Variants in MACROD2 observed in about 807,000 individuals in gnomAD.
MACROD2 encodes ADP-ribose glycohydrolase MACROD2.
A neutral mutation model predicts 70.4 loss-of-function variants in MACROD2; 36 were observed. The observed-to-expected ratio is 0.51, with a 90% CI of 0.39 to 0.68. MACROD2 has a LOEUF of 0.68. MACROD2 is among the 30% of genes least tolerant of loss of function. The pLI is 0.00. For missense variants in MACROD2, 496 were observed against 538.4 expected, an observed-to-expected ratio of 0.92 and a Z score of 0.78; for synonymous variants, 172 against 178.8, an observed-to-expected ratio of 0.96 and a Z score of 0.30.
chr20:15,179,696 CT>C (rs2076486985), intron 5 of MACROD2, among the ~76,000 whole-genome samples: 1 of 152,202 alleles, frequency 6.6e-6, no homozygotes, highest in Non-Finnish European at 1.5e-5. Flanking sequence ...TCTGGGTACT[CT>C]TTTTCCCTCC....
intron 5 of MACROD2, among the ~76,000 whole-genome samples, chr20:15,039,677 A>T (rs1341840726): frequency 6.6e-6 from 1 of 152,188 alleles, no homozygotes; most frequent in African/African-American, 2.4e-5. Flanking sequence ...GCGACTCTAC[A>T]GCTTGCTAAG....
intron 6 of MACROD2, among the ~76,000 whole-genome samples, chr20:15,245,052 T>C (rs923791855): frequency 1.5e-4 from 23 of 152,198 alleles, no homozygotes; most frequent in African/African-American, 5.5e-4. Flanking sequence ...AATTCAGAGA[T>C]TTGTTGTAAC....
intron 5 of MACROD2, among the ~76,000 whole-genome samples, chr20:15,031,873 G>A (rs35278386): frequency 0.047 from 7,102 of 152,152 alleles, 202 homozygotes; most frequent in Non-Finnish European, 0.061. Context: ...CCAGGGACTC[G>A]CGCCTTTCTC....
chr20:14,073,598 C>T (rs947693141), intron 2 of MACROD2, among the ~76,000 whole-genome samples: 2 of 152,124 alleles, frequency 1.3e-5, no homozygotes, highest in Non-Finnish European at 2.9e-5. Flanking sequence ...CTGCAGCTTA[C>T]AGAGTTTTAA....
intron 8 of MACROD2, among the ~76,000 whole-genome samples, chr20:15,607,351 AG>A (rs1429244380): frequency 7.9e-5 from 12 of 152,316 alleles, no homozygotes; most frequent in Admixed American, 7.8e-4. Context: ...TCCCCTAATT[AG>A]GTTTGCTTGG....
intron 3 of MACROD2, among the ~76,000 whole-genome samples, chr20:14,444,804 A>G (rs999927472): frequency 1.3e-5 from 2 of 151,556 alleles, no homozygotes; most frequent in Non-Finnish European, 2.9e-5. Context: ...TCAGCAGAAA[A>G]CCTTGTCAGT....
At chr20:15,862,036 A>AT (rs1158617616) in intron 8 of MACROD2, among the ~76,000 whole-genome samples, 3 of 152,178 alleles carry the variant, frequency 2.0e-5, no homozygotes, top group Admixed American at 6.5e-5. Flanking sequence ...CATTTACTAT[A>AT]TTACTCTCTG....
chr20:15,604,720 G>C (rs1018376806), intron 8 of MACROD2, among the ~76,000 whole-genome samples: 3 of 152,178 alleles, frequency 2.0e-5, no homozygotes, highest in Non-Finnish European at 4.4e-5. Context: ...ACGATTTGGG[G>C]TTCTTGGTTC....
chr20:14,924,793 A>G (rs2074208744), intron 5 of MACROD2, among the ~76,000 whole-genome samples: 1 of 152,128 alleles, frequency 6.6e-6, no homozygotes, highest in Non-Finnish European at 1.5e-5. Context: ...TGAAAGTGAA[A>G]ATGCTGCTCT....
chr20:14,330,585 T>A (rs1486263594), intron 3 of MACROD2, among the ~76,000 whole-genome samples: 2 of 152,106 alleles, frequency 1.3e-5, no homozygotes, highest in Non-Finnish European at 2.9e-5. Context: ...AACATGGTCA[T>A]AGGCTATATT....
chr20:15,515,460 T>G (rs2047554867), intron 8 of MACROD2, among the ~76,000 whole-genome samples: 2 of 152,346 alleles, frequency 1.3e-5, no homozygotes, highest in South Asian at 4.1e-4. Context: ...ACTGCATCTT[T>G]GGTGAATTTT....
chr20:15,050,332 A>C (rs2075429125), intron 5 of MACROD2, among the ~76,000 whole-genome samples: 2 of 152,194 alleles, frequency 1.3e-5, no homozygotes, highest in Admixed American at 6.5e-5. Context: ...CAAATATTTT[A>C]TTAAAGAATT....
intron 4 of MACROD2, among the ~76,000 whole-genome samples, chr20:14,535,505 C>CAAAAA (rs11357982): frequency 4.8e-5 from 3 of 62,996 alleles, no homozygotes; most frequent in Non-Finnish European, 8.9e-5. Flanking sequence ...AACTCCGTCT[C>CAAAAA]AAAAAAAAAA....
intron 15 of MACROD2, among the ~76,000 whole-genome samples, chr20:16,038,169 CTT>C (rs11475820): frequency 3.3e-5 from 5 of 151,040 alleles, no homozygotes; most frequent in Admixed American, 6.6e-5. Context: ...CACTAGATAA[CTT>C]TTTTTTTCTT....
intron 2 of MACROD2, among the ~76,000 whole-genome samples, chr20:14,058,231 C>T (rs1041384576): frequency 6.6e-6 from 1 of 151,836 alleles, no homozygotes; most frequent in African/African-American, 2.4e-5. Flanking sequence ...ACTCAAATTA[C>T]GGTAAGCAAA....
intron 3 of MACROD2, among the ~76,000 whole-genome samples, chr20:14,460,473 G>C (rs538726380): frequency 1.4e-4 from 22 of 152,194 alleles, no homozygotes; most frequent in Admixed American, 5.2e-4. Context: ...TCTCTAATGA[G>C]CAGTGATGAT....
chr20:15,058,989 G>A (rs1052928604), intron 5 of MACROD2, among the ~76,000 whole-genome samples: 40 of 152,274 alleles, frequency 2.6e-4, no homozygotes, highest in African/African-American at 8.7e-4. Context: ...GACTCATAGT[G>A]TTATCTATGG....
chr20:15,750,451 A>G (rs971694358), intron 8 of MACROD2, among the ~76,000 whole-genome samples: 1 of 152,048 alleles, frequency 6.6e-6, no homozygotes, highest in African/African-American at 2.4e-5. Context: ...ATTTGACAAA[A>G]TTTTTAAAAT....
chr20:14,591,348 C>G (rs571362506), intron 4 of MACROD2, among the ~76,000 whole-genome samples: 4 of 152,278 alleles, frequency 2.6e-5, no homozygotes, highest in African/African-American at 9.6e-5. Context: ...AGGCTTCGCT[C>G]AAATTATTAT....
Sources: gnomAD v4.1 joint callset for allele counts (sites outside exome capture counted in the v4.1 genomes callset) on GRCh38, gnomAD v4.1.1 for gene constraint, MANE v1.5 for transcripts, NCBI Gene and HGNC (gene_info 2026-07-23, HGNC 2026-07-21) for gene names.